DUSP15: variants seen among roughly 807,000 people sequenced by gnomAD.
DUSP15 encodes the protein dual specificity protein phosphatase 15.
DUSP15 carries 23 observed loss-of-function variants against 26.3 expected under a neutral mutation model. The ratio of observed to expected loss-of-function variants is 0.87; its 90% confidence interval spans 0.63 to 1.24. The LOEUF (loss-of-function observed/expected upper bound fraction) is 1.24, where lower values mean the gene tolerates loss of function less well. Among genes scored for constraint, DUSP15 ranks in the 50% most tolerant of loss-of-function variants. The pLI, the probability that DUSP15 is intolerant of heterozygous loss-of-function variation, is 0.00. For synonymous variants in DUSP15, 143 were observed against 135.5 expected (o/e 1.06, Z -0.39); for missense variants, 364 against 320.6 (o/e 1.14, Z -1.03).
At chr20:31,846,181 T>C (rs1568646476), downstream of DUSP15, among the ~76,000 whole-genome samples, 5 of 128,772 alleles carry the variant, frequency 3.9e-5, no homozygotes, top group African/African-American at 1.5e-4. Context: ...CACACACATA[T>C]ACACAGAGAC....
intron 6 of DUSP15, among the ~76,000 whole-genome samples, chr20:31,851,921 G>A (rs753791276): frequency 3.3e-5 from 5 of 151,976 alleles, no homozygotes; most frequent in Admixed American, 1.3e-4. Flanking sequence ...CAATTTAGAC[G>A]ATCCCAGATG....
chr20:31,846,301 C>G (rs1337571888), downstream of DUSP15, among the ~76,000 whole-genome samples: 1 of 151,346 alleles, frequency 6.6e-6, no homozygotes, highest in Non-Finnish European at 1.5e-5. Context: ...CAGACACACA[C>G]ACACACACAC....
Position 31,849,755 on chromosome 20 carries a change from G to A in DUSP15, c.611C>T (p.Pro204Leu), listed in dbSNP as rs2062434421. The A allele has an allele frequency of 3.9e-6, 6 of 1,540,614 alleles. No homozygotes were observed. The East Asian group carries it at 1.5e-4, about 37-fold the overall frequency. ...AAGCGAACCTGCTGCAACGTGAGGT[G>A]GCGGCCCCAGCAGGCGCTCGGCGGC... Residue 204 changes from proline to leucine, a missense_variant, in exon 8 of 10, where the codon CCA (proline) becomes CTA (leucine). Transcript: ENST00000278979.
At chr20:31,866,179 G>A (rs1469793751) in intron 3 of DUSP15, among the ~76,000 whole-genome samples, 5 of 152,182 alleles carry the variant, frequency 3.3e-5, no homozygotes, top group African/African-American at 4.8e-5. Flanking sequence ...TGGCAGAACC[G>A]GGTCTTCATT....
downstream of DUSP15, among the ~76,000 whole-genome samples, chr20:31,846,895 A>G (rs981590790): frequency 6.6e-6 from 1 of 152,082 alleles, no homozygotes; most frequent in Admixed American, 6.5e-5. Context: ...TTCCCCTTAC[A>G]CAGAATGCAG....
At chr20:31,864,889 T>A in intron 4 of DUSP15, 64 bp downstream of exon 4, 5 of 1,515,112 alleles carry the variant, frequency 3.3e-6, no homozygotes, top group Non-Finnish European at 4.6e-6. Context: ...TCAAACCCCC[T>A]CCCCCTCCCC....
chr20:31,861,600 G>T lies in DUSP15; in HGVS notation c.511C>A (p.Leu171Met). ...GAGCCCTGCCGGCAGCGCTTGCACA[G>T]CGGCAGCAGCGCGCGCAACTCCTCC... ...DEEELRALLP[L>M]CKRCRQGSAT... The change falls in exon 7 of 7, where the codon CTG (leucine) becomes ATG (methionine). Residue 171 changes from leucine (L) to methionine (M), a missense_variant. Physicochemically the swap from Leu to Met is conservative, Grantham distance 15 (BLOSUM62 2). Transcript: ENST00000339738. 1 of 1,493,538 alleles carries T rather than the reference G, an allele frequency of 6.7e-7. No individual in the cohort carries two copies. The highest frequency in any genetic ancestry group is 8.8e-7 in the Non-Finnish European group (1 of 1,130,156). The allele number at this position is 1,493,538 out of a possible 1,614,324, so 92.5% of individuals were successfully genotyped here.
Position 31,865,003 on chromosome 20 carries a change from C to T in DUSP15, c.139-1G>A, listed in dbSNP as rs1286252987. The T allele has an allele frequency of 6.2e-7, 1 of 1,614,148 alleles. No homozygotes were observed. The highest frequency in any genetic ancestry group is 2.2e-5 in the East Asian group (1 of 44,878). ...CCGGGATGCGAAGGTAGGTGATATC[C>T]TGCAAGTACAAAATACACTCAGGCA... On this transcript the variant is annotated splice_acceptor_variant, in intron 3 of 6. Transcript: ENST00000339738. LOFTEE classifies it high-confidence loss of function.
downstream of DUSP15, among the ~76,000 whole-genome samples, chr20:31,857,484 T>C (rs1050041460): frequency 3.3e-5 from 5 of 152,104 alleles, no homozygotes; most frequent in African/African-American, 9.7e-5. Context: ...TCCCCTACCA[T>C]AGCTCCCCAT....
chr20:31,867,963 T>A (rs560528779), intron 2 of DUSP15, among the ~76,000 whole-genome samples: 1 of 152,344 alleles, frequency 6.6e-6, no homozygotes, highest in Non-Finnish European at 1.5e-5. Flanking sequence ...CAATGTATTT[T>A]TAAGGATACA....
downstream of DUSP15, among the ~76,000 whole-genome samples, chr20:31,847,305 G>A (rs571839305): frequency 9.2e-5 from 14 of 152,282 alleles, no homozygotes; most frequent in East Asian, 2.7e-3. Context: ...TCTTCAGTGA[G>A]GGGCAGGGGT....
intron 7 of DUSP15, chr20:31,850,542 G>A (rs942008916): frequency 1.3e-5 from 20 of 1,492,304 alleles, no homozygotes; most frequent in African/African-American, 2.8e-5. Context: ...AGAGAGGTGG[G>A]CTGGCCCCAC....
downstream of DUSP15, among the ~76,000 whole-genome samples, chr20:31,859,149 C>G (rs761258191): frequency 6.6e-6 from 1 of 152,122 alleles, no homozygotes; most frequent in Non-Finnish European, 1.5e-5. Context: ...GAGCCAGGAG[C>G]CAAAATGTGT....
In DUSP15 at chr20:31,849,706, TGGGCGCTGGGCAATG is replaced by T. The variant is rs777740679; in HGVS notation, c.628+17_628+31del. 2.1e-3 allele frequency: 3,206 copies of T among 1,535,716 alleles called. 8 individuals carry two copies. Among genetic ancestry groups the T allele is most frequent in the Non-Finnish European group, 2.6e-3 (2,980 of 1,147,402 alleles). ...GTGAGGCGGCAGGCCCTGCAACACGTGGGCGCTGGGCAATGGGTCGGGGAAGCGAACCTGCTGCAA... is the reference window on the plus strand; with the variant it reads ...GTGAGGCGGCAGGCCCTGCAACACGTGGTCGGGGAAGCGAACCTGCTGCAA... On this transcript the variant is annotated intron_variant, in intron 8 of 9. Coordinates refer to the DUSP15 transcript ENST00000278979.
At chr20:31,867,631 GTTTTTTTTTTTTT>G (rs57662463) in intron 2 of DUSP15, among the ~76,000 whole-genome samples, 18 of 77,650 alleles carry the variant, frequency 2.3e-4, no homozygotes, top group South Asian at 2.1e-3. Flanking sequence ...TGCCCACAAT[GTTTTTTTTTTTTT>G]TTTTTTTTTT....
downstream of DUSP15, among the ~76,000 whole-genome samples, chr20:31,857,307 G>C (rs2062576186): frequency 2.0e-5 from 3 of 151,896 alleles, no homozygotes; most frequent in South Asian, 6.2e-4. Flanking sequence ...CTTTCTAAAT[G>C]CAAATCTGGT....
downstream of DUSP15, among the ~76,000 whole-genome samples, chr20:31,846,645 C>T (rs543569380): frequency 1.3e-4 from 20 of 152,280 alleles, no homozygotes; most frequent in South Asian, 2.9e-3. Context: ...ACCCCATCCT[C>T]CTAGCTCTGG....
At chr20:31,867,706 G>A (rs1381968975) in intron 2 of DUSP15, among the ~76,000 whole-genome samples, 3 of 137,182 alleles carry the variant, frequency 2.2e-5, no homozygotes, top group East Asian at 2.3e-4. Context: ...GTCCAGTGGC[G>A]CGATCTCGGC....
chr20:31,864,441 C>T, intron 4 of DUSP15: 1 of 1,033,578 alleles, frequency 9.7e-7, no homozygotes, highest in Non-Finnish European at 1.2e-6. Flanking sequence ...CTGCTGATGC[C>T]ACAAACAAAA....
Sources: allele counts gnomAD v4.1 joint callset (sites outside exome capture counted in the v4.1 genomes callset), GRCh38; gene constraint gnomAD v4.1.1; transcripts MANE v1.5; gene names NCBI Gene and HGNC (gene_info 2026-07-23, HGNC 2026-07-21).